PTGFRN: variants seen among roughly 807,000 people sequenced by gnomAD.
PTGFRN encodes the protein prostaglandin F2 receptor inhibitor.
In PTGFRN, 35 loss-of-function variants were observed where a neutral mutation model predicts 83.2. That is an observed-to-expected ratio of 0.42 (90% CI 0.32 to 0.56). The LOEUF (loss-of-function observed/expected upper bound fraction) is 0.56, where lower values mean the gene tolerates loss of function less well. Among genes scored for constraint, PTGFRN ranks in the 20% least tolerant of loss-of-function variants. PTGFRN has a pLI of 0.11. For synonymous variants in PTGFRN, 519 were observed against 498.6 expected (o/e 1.04, Z -0.55); for missense variants, 1,051 against 1,179.5 (o/e 0.89, Z 1.60).
At chr1:116,960,051 CCTACT>C (rs1480131089) in intron 4 of PTGFRN, among the ~76,000 whole-genome samples, 9 of 152,110 alleles carry the variant, frequency 5.9e-5, no homozygotes, top group Non-Finnish European at 1.2e-4. Context: ...TTACTGAGTG[CCTACT>C]GCATAAAAGG....
chr1:116,941,936 G>A lies in PTGFRN; in HGVS notation c.271G>A (p.Glu91Lys), dbSNP rs769663692. 1.9e-6 allele frequency: 3 copies of A among 1,614,194 alleles called. No individual in the cohort carries two copies. Among genetic ancestry groups the A allele is most frequent in the Middle Eastern group, 1.6e-4 (1 of 6,062 alleles). Residue 91 changes from glutamate to lysine, a missense_variant, in exon 2 of 9, where the codon GAG becomes AAG. Transcript: ENST00000393203. The surrounding 1 kb of genome is among the most constrained non-coding windows in gnomAD (Gnocchi z 5.0). Reference sequence around the variant, plus strand: ...GTACCAGGAGCGGCTGCAGAGGGGCGAGATCCTGTTAAGGCGGACTGCCAA... The same window carrying A: ...GTACCAGGAGCGGCTGCAGAGGGGCAAGATCCTGTTAAGGCGGACTGCCAA... ...QLYQERLQRG[E>K]ILLRRTANDA...
chr1:116,909,975 G>T lies in PTGFRN; in HGVS notation c.-229G>T. The stretch of plus-strand genomic sequence containing the variant: ...ACTCGGATCGGCGGGGCCGGCTCCC[G>T]GGCCCGGCCGGCTGGAGGAGGGAGG... On this transcript the variant is annotated 5_prime_UTR_variant, in exon 1 of 9. Coordinates refer to ENST00000393203, the MANE Select transcript of PTGFRN (RefSeq NM_020440.4). 1.8e-6 allele frequency: 1 copy of T among 566,534 alleles called. No homozygotes were observed. Among genetic ancestry groups the T allele is most frequent in the East Asian group, 3.5e-5 (1 of 28,750 alleles). 35.1% of individuals were successfully genotyped at this position (566,534 alleles called of 1,614,324 possible).
chr1:116,931,764 T>A (rs2101057729), intron 1 of PTGFRN, among the ~76,000 whole-genome samples: 1 of 152,282 alleles, frequency 6.6e-6, no homozygotes, highest in Non-Finnish European at 1.5e-5. Flanking sequence ...AAAGGCACTA[T>A]AAGGTTTTAT....
At chr1:116,979,457 C>T (rs565822732) in intron 7 of PTGFRN, among the ~76,000 whole-genome samples, 3 of 152,174 alleles carry the variant, frequency 2.0e-5, no homozygotes, top group Non-Finnish European at 2.9e-5. Flanking sequence ...ATCACGCTGC[C>T]TGACTTCAAA....
In PTGFRN at chr1:116,917,198, G is replaced by A. The variant is rs1249009791; in HGVS notation, c.49+6946G>A. Among the ~76,000 whole-genome samples the A allele has an allele frequency of 2.0e-5, 3 of 152,198 alleles. No homozygotes were observed. The East Asian group carries it at 5.8e-4, about 29-fold the overall frequency. ...TCACAGAACTTGAGAAGTGGGTGGG[G>A]TGGGGAAGGAACTCTGAGTCAGAAA... is the stretch of plus-strand genomic sequence containing the variant. On this transcript the variant is annotated intron_variant, in intron 1 of 8. Transcript: ENST00000393203.
At chr1:116,945,463 C>T (rs1179509025) in intron 3 of PTGFRN, among the ~76,000 whole-genome samples, 3 of 152,188 alleles carry the variant, frequency 2.0e-5, no homozygotes, top group African/African-American at 4.8e-5. Flanking sequence ...GAAGGTGCCA[C>T]ACCCTGCCCC....
intron 2 of PTGFRN, 40 bp from the exon 3 acceptor site, chr1:116,944,639 G>T (rs538232527): frequency 1.5e-6 from 2 of 1,368,754 alleles, no homozygotes; most frequent in Admixed American, 6.3e-5. Context: ...GGCTGGGGTC[G>T]GTGTGGACGG....
intron 2 of PTGFRN, among the ~76,000 whole-genome samples, chr1:116,942,405 G>A (rs1650086933): frequency 6.6e-6 from 1 of 152,166 alleles, no homozygotes; most frequent in South Asian, 2.1e-4. Context: ...GCCTGTGATT[G>A]TTTGGTCCAG....
In PTGFRN at chr1:116,961,999, C is replaced by T. The variant is rs1650678039; in HGVS notation, c.1639+331C>T. 1.3e-5 allele frequency among the ~76,000 whole-genome samples: 2 copies of T among 152,150 alleles called. No individual in the cohort carries two copies. The highest frequency in any genetic ancestry group is 4.1e-4 in the South Asian group (2 of 4,828). ...CTCTTTCCCCTGGAGAAACCGTTAC[C>T]TCTCTGAGGACAGTTTCCCCCAGAG... On this transcript the variant is annotated intron_variant, in intron 5 of 8. Coordinates refer to ENST00000393203, the MANE Select transcript of PTGFRN (RefSeq NM_020440.4). This position sits in a 1 kb window ranked among gnomAD's most constrained non-coding sequence, Gnocchi z 5.4.
intron 3 of PTGFRN, 118 bp from the exon 4 acceptor site, chr1:116,949,074 G>A (rs1570660575): frequency 1.6e-6 from 2 of 1,268,582 alleles, no homozygotes; most frequent in Non-Finnish European, 2.2e-6. Context: ...ACTGTACAAA[G>A]CCTTCTAACT....
At position 116,980,704 on chromosome 1, in the gene PTGFRN, G is replaced by A. The variant is rs192521591; in HGVS notation, c.2168-3976G>A. ...GGAACATCACACACCAGGGCCTGTC[G>A]TGGGGTCGGGTTAGAGGGGAGGGAT... On this transcript the variant is annotated intron_variant, in intron 7 of 8. Transcript: ENST00000393203. Among the ~76,000 whole-genome samples the A allele has an allele frequency of 1.4e-4, 21 of 152,232 alleles. No homozygotes were observed. The East Asian group carries it at 2.7e-3, about 20-fold the overall frequency.
chr1:116,980,243 G>A lies in PTGFRN; in HGVS notation c.2168-4437G>A, dbSNP rs200785832. Among the ~76,000 whole-genome samples the A allele has an allele frequency of 5.5e-4, 84 of 152,262 alleles. No individual in the cohort carries two copies. In the East Asian group the frequency reaches 0.014, roughly 25 times the overall value. On this transcript the variant is annotated intron_variant, in intron 7 of 8. Transcript: ENST00000393203. ...GTGCTGGAGAGGATGTGGAGAAATA[G>A]GAACACTTTTACACTGTTGGTGAGA...
chr1:116,943,934 C>T lies in PTGFRN; in HGVS notation c.419-745C>T, dbSNP rs534390247. On this transcript the variant is annotated intron_variant, in intron 2 of 8. Transcript: ENST00000393203. The stretch of plus-strand genomic sequence containing the variant: ...TTTTTCCCTGCTGCTTGGTAGTGGC[C>T]CCCTTTCTGGTTACCAGAATAGCAG... Among the ~76,000 whole-genome samples the T allele has an allele frequency of 1.8e-3, 281 of 152,180 alleles. 1 individual carries two copies. Among genetic ancestry groups the T allele is most frequent in the Non-Finnish European group, 3.1e-3 (210 of 67,992 alleles).
chr1:116,978,871 A>G (rs1651231933), intron 7 of PTGFRN, among the ~76,000 whole-genome samples: 1 of 152,082 alleles, frequency 6.6e-6, no homozygotes, highest in Admixed American at 6.5e-5. Flanking sequence ...AGTTCTGGCC[A>G]GGGCAATCAG....
At chr1:116,955,188 G>A (rs1650452487) in intron 4 of PTGFRN, among the ~76,000 whole-genome samples, 1 of 152,150 alleles carries the variant, frequency 6.6e-6, no homozygotes, top group Admixed American at 6.5e-5. Context: ...TGGAGTCTGT[G>A]CATAGCTTGG....
chr1:116,985,473 C>T (rs150426880), intron 8 of PTGFRN, among the ~76,000 whole-genome samples: 81 of 151,914 alleles, frequency 5.3e-4, no homozygotes, highest in African/African-American at 1.8e-3. Flanking sequence ...CCGAGGCGGG[C>T]GGATCATGAG....
chr1:116,984,761 A>ATC lies in PTGFRN; in HGVS notation c.2250_2251dup (p.Arg751LeufsTer6). The ATC allele has an allele frequency of 6.2e-7, 1 of 1,614,022 alleles. No individual in the cohort carries two copies. Among genetic ancestry groups the ATC allele is most frequent in the Non-Finnish European group, 8.5e-7 (1 of 1,180,004 alleles). ...GCTCCTGTGCTCCTGTCTTCCCTGG[A>ATC]TCGGAAGGGCATCGTGACCACCTCC... On this transcript the variant is annotated frameshift_variant, in exon 8 of 9. Transcript: ENST00000393203. LOFTEE classifies it high-confidence loss of function.
At chr1:116,955,691 A>G (rs1397062668) in intron 4 of PTGFRN, among the ~76,000 whole-genome samples, 1 of 152,248 alleles carries the variant, frequency 6.6e-6, no homozygotes, top group Non-Finnish European at 1.5e-5. Context: ...TGAGCATTTT[A>G]ATGCAAAATA....
chr1:116,982,579 G>A (rs1651350436), intron 7 of PTGFRN, among the ~76,000 whole-genome samples: 1 of 152,012 alleles, frequency 6.6e-6, no homozygotes. Flanking sequence ...ACAAGCACGC[G>A]AGTGATGGAT....
Sources: gnomAD v4.1 joint callset for allele counts (sites outside exome capture counted in the v4.1 genomes callset) on GRCh38, gnomAD v4.1.1 for gene constraint, Gnocchi (gnomAD v3.1) non-coding constraint, MANE v1.5 for transcripts, NCBI Gene and HGNC (gene_info 2026-07-23, HGNC 2026-07-21) for gene names.